SETD3: variants seen among roughly 807,000 people sequenced by gnomAD.
SETD3 encodes SET domain containing 3, actin N3(tau)-histidine methyltransferase, also known as actin-histidine N-methyltransferase.
Under a neutral mutation model 63.0 loss-of-function variants are expected in SETD3, and 19 were observed. That is an observed-to-expected ratio of 0.30 (90% CI 0.21 to 0.44). The LOEUF is 0.44. Ranked by LOEUF, SETD3 falls within the 20% of genes least tolerant of loss-of-function variation. SETD3 has a pLI of 1.00. For synonymous variants in SETD3, 286 were observed against 264.1 expected (o/e 1.08, Z -0.80); for missense variants, 587 against 728.5 (o/e 0.81, Z 2.24).
intron 11 of SETD3, among the ~76,000 whole-genome samples, chr14:99,403,085 T>A (rs1453627272): frequency 6.6e-6 from 1 of 152,184 alleles, no homozygotes; most frequent in African/African-American, 2.4e-5. Context: ...GCGACAGGGT[T>A]GCTTATGAGG....
At chr14:99,413,993 C>A in intron 6 of SETD3, 59 bp from the exon 7 acceptor site, 2 of 1,476,654 alleles carry the variant, frequency 1.4e-6, no homozygotes, top group South Asian at 2.3e-5. Context: ...AAACAGAAAT[C>A]AGTCAGCAGA....
Position 99,435,282 on chromosome 14 carries a change from T to C in SETD3, c.676-21348A>G, listed in dbSNP as rs1462605111. On this transcript the variant is annotated intron_variant, in intron 6 of 12. Coordinates refer to ENST00000331768, the MANE Select transcript of SETD3 (RefSeq NM_032233.3). The stretch of plus-strand genomic sequence containing the variant: ...TTAGGTAGTAAACTCATAAATCATT[T>C]GACTCTTTCCTGCCTCTCAAGTTTT... Among the ~76,000 whole-genome samples, 3 of 152,246 alleles carry C rather than the reference T, an allele frequency of 2.0e-5. No individual in the cohort carries two copies. In the East Asian group the frequency reaches 5.8e-4, roughly 29 times the overall value.
chr14:99,481,277 G>A (rs549250061), upstream of SETD3: 8 of 396,484 alleles, frequency 2.0e-5, no homozygotes, highest in Admixed American at 4.4e-5. Flanking sequence ...GGGCGGGCGG[G>A]GAGGAGAGCG....
intron 8 of SETD3, among the ~76,000 whole-genome samples, chr14:99,408,057 G>A (rs1023331327): frequency 1.3e-5 from 2 of 152,262 alleles, no homozygotes; most frequent in Admixed American, 6.5e-5. Context: ...TTATCCTGGA[G>A]AATCAAAGAT....
In SETD3 at chr14:99,403,467, T is replaced by A. The variant is rs945721181; in HGVS notation, c.1177+758A>T. Among the ~76,000 whole-genome samples, 41 of 140,476 alleles carry A rather than the reference T, an allele frequency of 2.9e-4. No individual in the cohort carries two copies. The East Asian group carries it at 3.7e-3, about 13-fold the overall frequency. 92.2% of individuals were successfully genotyped at this position (140,476 alleles called of 152,430 possible). ...CACACACACACACACTCTCTCTCTC[T>A]CTCTCTCTCTCTCTCTCTCTCTTTC... is the stretch of plus-strand genomic sequence containing the variant. On this transcript the variant is annotated intron_variant, in intron 11 of 12. Coordinates refer to ENST00000331768, the MANE Select transcript of SETD3 (RefSeq NM_032233.3).
chr14:99,400,330 CT>C, intron 11 of SETD3, 71 bp from the exon 12 acceptor site: 1 of 1,478,218 alleles, frequency 6.8e-7, no homozygotes, highest in Non-Finnish European at 9.2e-7. Context: ...AGCAATCTAC[CT>C]TAGAAAATAT....
chr14:99,448,746 C>A (rs975633405), intron 6 of SETD3, among the ~76,000 whole-genome samples: 1 of 152,140 alleles, frequency 6.6e-6, no homozygotes, highest in Non-Finnish European at 1.5e-5. Flanking sequence ...ATGAAGTTGG[C>A]TGAGAACAAA....
At chr14:99,460,448 C>T (rs1433041449) in intron 4 of SETD3, among the ~76,000 whole-genome samples, 1 of 152,050 alleles carries the variant, frequency 6.6e-6, no homozygotes, top group African/African-American at 2.4e-5. Context: ...GGATCCCCAC[C>T]GCCCTCCCCA....
chr14:99,475,574 T>C (rs930135050), intron 1 of SETD3, among the ~76,000 whole-genome samples: 4 of 152,206 alleles, frequency 2.6e-5, no homozygotes, highest in African/African-American at 9.6e-5. Context: ...CTCCCCAAAG[T>C]TTTGTCTTCT....
chr14:99,435,563 G>T (rs957549166), intron 6 of SETD3, among the ~76,000 whole-genome samples: 1 of 152,106 alleles, frequency 6.6e-6, no homozygotes, highest in Non-Finnish European at 1.5e-5. Flanking sequence ...GGCCATCAAC[G>T]TCTTTCACAC....
Position 99,449,054 on chromosome 14 carries a change from T to C in SETD3, c.675+9225A>G, listed in dbSNP as rs998945062. 7.9e-5 allele frequency among the ~76,000 whole-genome samples: 12 copies of C among 152,230 alleles called. No homozygotes were observed. In the South Asian group the frequency reaches 1.4e-3, roughly 18 times the overall value. ...ATCAAATATATAGTAATGGATTACA[T>C]AGTCTATCAAATAAAATAAATATCC... On this transcript the variant is annotated intron_variant, in intron 6 of 12. Coordinates refer to ENST00000331768, the MANE Select transcript of SETD3 (RefSeq NM_032233.3).
intron 6 of SETD3, among the ~76,000 whole-genome samples, chr14:99,430,466 G>A (rs1191093997): frequency 1.3e-5 from 2 of 152,148 alleles, no homozygotes; most frequent in African/African-American, 2.4e-5. Context: ...TTAAAATAGG[G>A]AAAAAAGTCA....
intron 11 of SETD3, among the ~76,000 whole-genome samples, chr14:99,401,495 G>A (rs1891386467): frequency 6.6e-6 from 1 of 152,158 alleles, no homozygotes; most frequent in African/African-American, 2.4e-5. Context: ...ATTAGTTAGA[G>A]TAATTCAAAG....
chr14:99,430,022 T>C (rs565222392), intron 6 of SETD3, among the ~76,000 whole-genome samples: 4 of 150,994 alleles, frequency 2.6e-5, no homozygotes, highest in African/African-American at 9.8e-5. Flanking sequence ...GGAGGGGGAG[T>C]GAGCCCAGCC....
intron 11 of SETD3, 108 bp downstream of exon 11, chr14:99,404,117 G>T: frequency 1.3e-6 from 1 of 773,640 alleles, no homozygotes; most frequent in Non-Finnish European, 2.1e-6. Context: ...CTTCCCAAAA[G>T]TACTGTAGTT....
intron 3 of SETD3, 42 bp from the exon 4 acceptor site, chr14:99,461,382 G>A (rs1399072449): frequency 1.3e-6 from 2 of 1,588,984 alleles, no homozygotes; most frequent in African/African-American, 2.7e-5. Flanking sequence ...CTACTTTTAG[G>A]ACACATATCA....
intron 1 of SETD3, among the ~76,000 whole-genome samples, chr14:99,478,141 A>C (rs1896068570): frequency 6.6e-6 from 1 of 152,212 alleles, no homozygotes; most frequent in Non-Finnish European, 1.5e-5. Context: ...GCCCAAAAAT[A>C]AGGGTAGGTA....
intron 3 of SETD3, among the ~76,000 whole-genome samples, chr14:99,461,559 A>G (rs1895062929): frequency 6.6e-6 from 1 of 152,206 alleles, no homozygotes; most frequent in South Asian, 2.1e-4. Context: ...GTTACAGTGA[A>G]ATATATACTG....
At chr14:99,460,256 G>T (rs1420490783) in intron 4 of SETD3, among the ~76,000 whole-genome samples, 1 of 152,132 alleles carries the variant, frequency 6.6e-6, no homozygotes, top group African/African-American at 2.4e-5. Context: ...TCAATGAAAG[G>T]TTAACTACAA....
Sources: allele counts gnomAD v4.1 joint callset (sites outside exome capture counted in the v4.1 genomes callset), GRCh38; gene constraint gnomAD v4.1.1; transcripts MANE v1.5; gene names NCBI Gene and HGNC (gene_info 2026-07-23, HGNC 2026-07-21).